The following HERPUD2 variants were observed in gnomAD, a reference collection of about 807,000 sequenced individuals.
The protein encoded by HERPUD2 is HERPUD family member 2.
HERPUD2 carries 13 observed loss-of-function variants against 49.9 expected under a neutral mutation model. The observed-to-expected ratio is 0.26, with a 90% CI of 0.17 to 0.41. The LOEUF (loss-of-function observed/expected upper bound fraction) is 0.41, where lower values mean the gene tolerates loss of function less well. Among genes scored for constraint, HERPUD2 ranks in the 10% least tolerant of loss-of-function variants. The pLI is 1.00. For synonymous variants in HERPUD2, 172 were observed against 171.4 expected, an observed-to-expected ratio of 1.00 and a Z score of -0.03; for missense variants, 449 against 492.2, an observed-to-expected ratio of 0.91 and a Z score of 0.83.
rs143596989 is a variant in HERPUD2 at position 35,634,859 on chromosome 7, C to T, written c.941+276G>A. Among the ~76,000 whole-genome samples, 1,017 of 152,304 alleles carry T rather than the reference C, an allele frequency of 6.7e-3. 15 individuals carry two copies. Among genetic ancestry groups the T allele is most frequent in the African/African-American group, 0.024 (977 of 41,562 alleles). Reference sequence around the variant, plus strand: ...TGACCTTATGCAGGAGTGCATCATACACTTGTTAAGTTCGAAATAATGGAT... The same window carrying T: ...TGACCTTATGCAGGAGTGCATCATATACTTGTTAAGTTCGAAATAATGGAT... On this transcript the variant is annotated intron_variant, in intron 7 of 8. Coordinates refer to ENST00000311350, the MANE Select transcript of HERPUD2 (RefSeq NM_022373.5).
At chr7:35,680,725 T>C (rs567464886) in intron 2 of HERPUD2, among the ~76,000 whole-genome samples, 1 of 152,360 alleles carries the variant, frequency 6.6e-6, no homozygotes, top group East Asian at 1.9e-4. Flanking sequence ...GAGGTCTTCC[T>C]TGACTTACAA....
chr7:35,661,406 T>TG (rs1253172728), intron 5 of HERPUD2, among the ~76,000 whole-genome samples: 1 of 152,244 alleles, frequency 6.6e-6, no homozygotes, highest in Admixed American at 6.5e-5. Context: ...TCCAATTCTG[T>TG]GAAGAAAGTC....
At chr7:35,642,163 C>T (rs1206628342) in intron 5 of HERPUD2, among the ~76,000 whole-genome samples, 1 of 152,120 alleles carries the variant, frequency 6.6e-6, no homozygotes, top group Non-Finnish European at 1.5e-5. Context: ...TGAACACACA[C>T]TTTTCAAAAG....
chr7:35,639,778 G>A (rs766970000), intron 5 of HERPUD2, among the ~76,000 whole-genome samples: 1 of 152,154 alleles, frequency 6.6e-6, no homozygotes, highest in South Asian at 2.1e-4. Context: ...AGAGCCTGGG[G>A]AGCTAAGCCT....
At chr7:35,693,970 T>A (rs1786254564) in intron 2 of HERPUD2, among the ~76,000 whole-genome samples, 2 of 152,220 alleles carry the variant, frequency 1.3e-5, no homozygotes, top group Admixed American at 6.5e-5. Flanking sequence ...TTGATATTTC[T>A]GCTTCCTCTT....
intron 5 of HERPUD2, among the ~76,000 whole-genome samples, chr7:35,651,747 T>G (rs981701384): frequency 1.3e-5 from 2 of 151,238 alleles, no homozygotes; most frequent in African/African-American, 4.9e-5. Flanking sequence ...AAAAAAATTG[T>G]GAAATCCAGA....
intron 6 of HERPUD2, among the ~76,000 whole-genome samples, chr7:35,637,453 C>T (rs917228230): frequency 5.3e-5 from 8 of 152,000 alleles, no homozygotes; most frequent in African/African-American, 1.5e-4. Context: ...GTATGACTGA[C>T]GAAGAAGTGA....
Position 35,632,824 on chromosome 7 carries a change from C to G in HERPUD2, c.*866G>C, listed in dbSNP as rs578164101. 2 of 152,556 alleles carry G rather than the reference C, an allele frequency of 1.3e-5. No homozygotes were observed. Among genetic ancestry groups the G allele is most frequent in the African/African-American group, 2.4e-5 (1 of 41,488 alleles). The allele number at this position is 152,556 out of a possible 1,614,324, so 9.5% of individuals were successfully genotyped here. A position where few individuals can be genotyped will look rare whatever the true frequency, so the allele number is the denominator to read the frequency against. The stretch of plus-strand genomic sequence containing the variant: ...GATTCCAATTGATGGGATACATGCC[C>G]TTAATACAGAAAGTTTCCATTATTT... On this transcript the variant is annotated 3_prime_UTR_variant, in exon 9 of 9. Transcript: ENST00000311350.
Position 35,694,443 on chromosome 7 carries a change from C to G in HERPUD2, c.-113G>C. ...GGACAGAAGTGAGTTCTTAGTATTCCGTGTCCAAGTCAGTTACAAGTGCAC... is the reference window on the plus strand; with the variant it reads ...GGACAGAAGTGAGTTCTTAGTATTCGGTGTCCAAGTCAGTTACAAGTGCAC... On this transcript the variant is annotated 5_prime_UTR_variant, in exon 2 of 9. Coordinates refer to ENST00000311350, the MANE Select transcript of HERPUD2 (RefSeq NM_022373.5). 9.1e-7 allele frequency: 1 copy of G among 1,094,258 alleles called. No homozygotes were observed. Among genetic ancestry groups the G allele is most frequent in the Non-Finnish European group, 1.4e-6 (1 of 735,808 alleles). The allele number at this position is 1,094,258 out of a possible 1,614,324, so 67.8% of individuals were successfully genotyped here. A position where few individuals can be genotyped will look rare whatever the true frequency, so the allele number is the denominator to read the frequency against.
At chr7:35,658,530 T>A (rs896869555) in intron 5 of HERPUD2, among the ~76,000 whole-genome samples, 2 of 152,162 alleles carry the variant, frequency 1.3e-5, no homozygotes, top group Admixed American at 1.3e-4. Flanking sequence ...CCTGACTTGA[T>A]CATTACACAT....
chr7:35,682,783 C>T (rs1443210007), intron 2 of HERPUD2, among the ~76,000 whole-genome samples: 2 of 148,812 alleles, frequency 1.3e-5, no homozygotes, highest in South Asian at 2.1e-4. Flanking sequence ...AGCAACCAAG[C>T]GGAGAATCAA....
intron 5 of HERPUD2, 76 bp downstream of exon 5, chr7:35,667,358 G>C: frequency 2.4e-6 from 3 of 1,266,552 alleles, no homozygotes; most frequent in South Asian, 2.6e-5. Context: ...CTGCAAAGAG[G>C]CTATAGTGAA....
At chr7:35,679,602 T>A (rs1210945766) in intron 2 of HERPUD2, among the ~76,000 whole-genome samples, 3 of 152,204 alleles carry the variant, frequency 2.0e-5, no homozygotes, top group Admixed American at 2.0e-4. Context: ...TACATTTCAT[T>A]CATATCACTG....
chr7:35,682,585 A>G (rs1785938660), intron 2 of HERPUD2, among the ~76,000 whole-genome samples: 3 of 151,590 alleles, frequency 2.0e-5, no homozygotes, highest in Admixed American at 1.3e-4. Context: ...CAAGAGAAAG[A>G]AATAAAGGGC....
chr7:35,633,982 A>C, intron 8 of HERPUD2, 131 bp from the exon 9 acceptor site: 2 of 885,034 alleles, frequency 2.3e-6, no homozygotes, highest in South Asian at 4.3e-5. Flanking sequence ...GAAATCTTTA[A>C]GGCCAAAATT....
chr7:35,634,662 T>C (rs1310150771), intron 7 of HERPUD2, among the ~76,000 whole-genome samples: 1 of 152,206 alleles, frequency 6.6e-6, no homozygotes, highest in African/African-American at 2.4e-5. Flanking sequence ...ATGTTAGTTA[T>C]TAAAACATAT....
chr7:35,664,597 T>A (rs1313816275), intron 5 of HERPUD2, among the ~76,000 whole-genome samples: 2 of 152,228 alleles, frequency 1.3e-5, no homozygotes, highest in African/African-American at 4.8e-5. Flanking sequence ...TTCTTTTTAC[T>A]CTTTTTTCTC....
chr7:35,635,151 T>A lies in HERPUD2; in HGVS notation c.925A>T (p.Met309Leu), dbSNP rs967882884. The A allele has an allele frequency of 3.7e-6, 6 of 1,613,070 alleles. No individual in the cohort carries two copies. The African/African-American group carries it at 8.0e-5, about 22-fold the overall frequency. The change falls in exon 7 of 9, where the codon ATG (methionine) becomes TTG (leucine). Residue 309 changes from methionine to leucine, a missense_variant. By Grantham distance (15) the Met-to-Leu change is conservative. Coordinates refer to ENST00000311350, the MANE Select transcript of HERPUD2 (RefSeq NM_022373.5). Reference sequence around the variant, plus strand: ...ATCACTCACAAATAAACCAGTAGCATGGCTCCCATTACCATGATAAACCGA... The same window carrying A: ...ATCACTCACAAATAAACCAGTAGCAAGGCTCCCATTACCATGATAAACCGA... ...FSRFIMVMGAMLLVYLHQAGW... is the reference protein window; with the variant it reads ...FSRFIMVMGALLLVYLHQAGW...
At chr7:35,664,297 A>AC (rs1226200926) in intron 5 of HERPUD2, among the ~76,000 whole-genome samples, 1 of 152,104 alleles carries the variant, frequency 6.6e-6, no homozygotes, top group African/African-American at 2.4e-5. Flanking sequence ...GGGTAATGAG[A>AC]CCTTTCTCTC....
Sources: gnomAD v4.1 joint callset for allele counts (sites outside exome capture counted in the v4.1 genomes callset) on GRCh38, gnomAD v4.1.1 for gene constraint, MANE v1.5 for transcripts, NCBI Gene and HGNC (gene_info 2026-07-23, HGNC 2026-07-21) for gene names.